The following ZBTB40 variants were observed in gnomAD, a reference collection of about 807,000 sequenced individuals.
ZBTB40 encodes the protein zinc finger and BTB domain-containing protein 40.
A neutral mutation model predicts 117.5 loss-of-function variants in ZBTB40; 60 were observed. The ratio of observed to expected loss-of-function variants is 0.51; its 90% CI spans 0.41 to 0.63. The LOEUF (loss-of-function observed/expected upper bound fraction) is 0.63, where lower values mean the gene tolerates loss of function less well. Among genes scored for constraint, ZBTB40 ranks in the 30% least tolerant of loss-of-function variants. The probability of loss-of-function intolerance (pLI) is 0.00; values close to 1 mark genes in which losing one functional copy is unlikely to be tolerated. For synonymous variants in ZBTB40, 525 were observed against 577.1 expected, an observed-to-expected ratio of 0.91 and a Z score of 1.29; for missense variants, 1,287 against 1,498.5, an observed-to-expected ratio of 0.86 and a Z score of 2.33.
intron 1 of ZBTB40, among the ~76,000 whole-genome samples, chr1:22,483,004 G>A (rs1176119249): frequency 1.3e-5 from 2 of 151,736 alleles, no homozygotes; most frequent in African/African-American, 2.4e-5. Flanking sequence ...GTGTGAACCC[G>A]GGAGGCAGAG....
At chr1:22,469,242 T>C (rs1267226480) in intron 1 of ZBTB40, among the ~76,000 whole-genome samples, 1 of 152,252 alleles carries the variant, frequency 6.6e-6, no homozygotes, top group Admixed American at 6.5e-5. Context: ...CTATTGATCA[T>C]TTGTGAATTT....
chr1:22,456,054 A>G (rs1184822329), intron 1 of ZBTB40, among the ~76,000 whole-genome samples: 4 of 152,084 alleles, frequency 2.6e-5, no homozygotes, highest in Admixed American at 2.6e-4. Flanking sequence ...TTCACAAGGA[A>G]ATTGAATTGG....
rs1639239437 is a variant in ZBTB40 at position 22,511,681 on chromosome 1, C to A, written c.2008C>A (p.Leu670Ile). ...GAGATGTCTCTTTTATGCAGGTGTC[C>A]TTACTAAGGAAGATGGAGAGAAGGA... ...VMQELAYIGV[L>I]TKEDGEKETW... The change falls in exon 11 of 18, where the codon CTT becomes ATT. Residue 670 changes from leucine to isoleucine, a missense_variant. Transcript: ENST00000375647. 6.2e-7 allele frequency: 1 copy of A among 1,611,100 alleles called. No homozygotes were observed. Among genetic ancestry groups the A allele is most frequent in the Non-Finnish European group, 8.5e-7 (1 of 1,179,338 alleles).
At position 22,502,324 on chromosome 1, in the gene ZBTB40, G is replaced by A. The variant is rs1469992897; in HGVS notation, c.1050G>A (p.Leu350=). 5 of 1,613,728 alleles carry A rather than the reference G, an allele frequency of 3.1e-6. No individual in the cohort carries two copies. Among genetic ancestry groups the A allele is most frequent in the Non-Finnish European group, 2.5e-6 (3 of 1,179,864 alleles). ...PKGSTEEGKT[L]SVLLLEHKED... ...GGAGCACAGAGGAGGGAAAGACCTT[G>A]TCTGTTCTGTTACTAGAACACAAAG... The change falls in exon 5 of 18, where the codon TTG becomes TTA. Residue 350 remains leucine, a synonymous_variant. Transcript: ENST00000375647.
At chr1:22,501,345 G>A in intron 3 of ZBTB40, 147 bp from the exon 4 acceptor site, 1 of 825,116 alleles carries the variant, frequency 1.2e-6, no homozygotes, top group Non-Finnish European at 2.0e-6. Context: ...TGTTGGAACT[G>A]CTGCTGGGGA....
chr1:22,467,925 C>A (rs1480376548), intron 1 of ZBTB40, among the ~76,000 whole-genome samples: 1 of 151,690 alleles, frequency 6.6e-6, no homozygotes, highest in Non-Finnish European at 1.5e-5. Context: ...GAGACCCTGT[C>A]TACAAATCAA....
At chr1:22,455,858 G>T (rs1640992439) in intron 1 of ZBTB40, among the ~76,000 whole-genome samples, 1 of 151,418 alleles carries the variant, frequency 6.6e-6, no homozygotes, top group Non-Finnish European at 1.5e-5. Flanking sequence ...TGTTTTCTTG[G>T]ACTATCTGTC....
At chr1:22,437,281 G>C (rs1031793925) in intron 1 of ZBTB40, among the ~76,000 whole-genome samples, 1 of 152,108 alleles carries the variant, frequency 6.6e-6, no homozygotes, top group Non-Finnish European at 1.5e-5. Flanking sequence ...AACCTGAATT[G>C]TGATTGATGA....
At chr1:22,515,851 G>A (rs1488325025) in intron 12 of ZBTB40, among the ~76,000 whole-genome samples, 1 of 152,180 alleles carries the variant, frequency 6.6e-6, no homozygotes, top group Non-Finnish European at 1.5e-5. Context: ...AGAATGAGTG[G>A]TAGGATCTAA....
At chr1:22,476,511 C>T (rs1222167710) in intron 1 of ZBTB40, among the ~76,000 whole-genome samples, 1 of 152,200 alleles carries the variant, frequency 6.6e-6, no homozygotes, top group African/African-American at 2.4e-5. Flanking sequence ...TGAGCCACCA[C>T]GCCCAGCCCT....
intron 1 of ZBTB40, among the ~76,000 whole-genome samples, chr1:22,460,690 C>T (rs1641109655): frequency 6.6e-6 from 1 of 152,198 alleles, no homozygotes; most frequent in Non-Finnish European, 1.5e-5. Flanking sequence ...CTCAAGGTTA[C>T]AAAGCTAACG....
upstream of ZBTB40, among the ~76,000 whole-genome samples, chr1:22,447,921 G>A (rs1640808585): frequency 6.6e-6 from 1 of 152,218 alleles, no homozygotes; most frequent in African/African-American, 2.4e-5. Flanking sequence ...TGAATGCCAA[G>A]GCCCAGACAC....
Position 22,502,309 on chromosome 1 carries a change from G to A in ZBTB40, c.1035G>A (p.Glu345=), listed in dbSNP as rs1329553828. ...VDTVQPKGST[E]EGKTLSVLLL... ...CTCTTTCTCCCCCAGGGAGCACAGAGGAGGGAAAGACCTTGTCTGTTCTGT... is the reference window on the plus strand; with the variant it reads ...CTCTTTCTCCCCCAGGGAGCACAGAAGAGGGAAAGACCTTGTCTGTTCTGT... The change falls in exon 5 of 18, where the codon GAG becomes GAA. Residue 345 remains glutamate (E), a synonymous_variant. Transcript: ENST00000375647. The A allele has an allele frequency of 6.2e-7, 1 of 1,613,680 alleles. No individual in the cohort carries two copies. Among genetic ancestry groups the A allele is most frequent in the Admixed American group, 1.7e-5 (1 of 59,998 alleles).
intron 15 of ZBTB40, 117 bp downstream of exon 15, chr1:22,521,775 T>G: frequency 6.8e-7 from 1 of 1,462,496 alleles, no homozygotes; most frequent in South Asian, 1.2e-5. Context: ...GTCATTGCCT[T>G]TGTTCTGCCC....
At chr1:22,495,171 A>G (rs1239522739) in intron 3 of ZBTB40, among the ~76,000 whole-genome samples, 3 of 152,336 alleles carry the variant, frequency 2.0e-5, no homozygotes, top group South Asian at 4.1e-4. Flanking sequence ...GGAGGACACC[A>G]TGAACTAGTG....
chr1:22,482,038 C>T (rs1014249246), intron 1 of ZBTB40, among the ~76,000 whole-genome samples: 3 of 151,888 alleles, frequency 2.0e-5, no homozygotes, highest in Admixed American at 6.5e-5. Context: ...AAATTCCAGT[C>T]GCCTACTAGA....
At chr1:22,510,360 T>C (rs1268543792) in intron 9 of ZBTB40, among the ~76,000 whole-genome samples, 2 of 152,228 alleles carry the variant, frequency 1.3e-5, no homozygotes, top group African/African-American at 4.8e-5. Context: ...GACTCATCTG[T>C]TAGACTCTCT....
intron 1 of ZBTB40, among the ~76,000 whole-genome samples, chr1:22,461,193 A>G (rs1057475825): frequency 4.6e-5 from 7 of 151,958 alleles, no homozygotes; most frequent in Admixed American, 1.3e-4. Flanking sequence ...CAGTTTGACC[A>G]CTCTAGACAC....
intron 1 of ZBTB40, among the ~76,000 whole-genome samples, chr1:22,457,965 A>G (rs764078119): frequency 3.3e-5 from 5 of 152,138 alleles, no homozygotes; most frequent in Non-Finnish European, 7.4e-5. Flanking sequence ...TCTTTCTTCC[A>G]CCTGGTACTT....
Sources: allele counts gnomAD v4.1 joint callset (sites outside exome capture counted in the v4.1 genomes callset), GRCh38; gene constraint gnomAD v4.1.1; transcripts MANE v1.5; gene names NCBI Gene and HGNC (gene_info 2026-07-23, HGNC 2026-07-21).